The following TRIM75 variants were observed in gnomAD, a reference collection of about 807,000 sequenced individuals.
TRIM75 encodes tripartite motif containing 75.
the TRIM75 span, among the ~76,000 whole-genome samples, chr4:165,057,482 T>C: frequency 2.0e-5 from 3 of 152,220 alleles, no homozygotes; most frequent in Non-Finnish European, 4.4e-5. Context: ...AGGATTAGCA[T>C]TGTCAAATTA....
chr4:165,058,726 G>GGACC, the TRIM75 span, among the ~76,000 whole-genome samples: 36 of 151,960 alleles, frequency 2.4e-4, no homozygotes, highest in South Asian at 2.1e-4. Context: ...GTGGAGGTTA[G>GGACC]GACCACCTGA....
At chr4:165,059,583 A>G in the TRIM75 span, 8 of 780,800 alleles carry the variant, frequency 1.0e-5, no homozygotes, top group African/African-American at 1.0e-4. Flanking sequence ...AAGATTCTGC[A>G]GTTACATCCA....
At chr4:165,059,490 T>G in the TRIM75 span, 1 of 780,910 alleles carries the variant, frequency 1.3e-6, no homozygotes, top group Non-Finnish European at 2.4e-6. Flanking sequence ...CCTGATGGTG[T>G]TGTGTCCGCT....
the TRIM75 span, chr4:165,059,559 A>G: frequency 1.3e-6 from 1 of 780,922 alleles, no homozygotes; most frequent in South Asian, 1.3e-5. Context: ...GAAAGCTGCC[A>G]TTCATTATAG....
At chr4:165,060,554 AAAACCC>A in the TRIM75 span, 1 of 738,684 alleles carries the variant, frequency 1.4e-6, no homozygotes, top group South Asian at 1.5e-5. Context: ...TTTGTGAATG[AAAACCC>A]ACCTGTTAGG....
chr4:165,056,262 C>T, the TRIM75 span, among the ~76,000 whole-genome samples: 13 of 151,554 alleles, frequency 8.6e-5, no homozygotes, highest in Admixed American at 1.3e-4. Flanking sequence ...AGCAAGATCC[C>T]ATCTCTATTA....
chr4:165,058,105 G>C, the TRIM75 span, among the ~76,000 whole-genome samples: 1 of 152,104 alleles, frequency 6.6e-6, no homozygotes, highest in African/African-American at 2.4e-5. Flanking sequence ...CAACTGTAGA[G>C]AAGCAAGGAT....
At chr4:165,060,286 C>A in the TRIM75 span, 180 of 780,922 alleles carry the variant, frequency 2.3e-4, 1 homozygote, top group East Asian at 4.2e-3. Context: ...CCCTCATCAG[C>A]CCAGCAGGAA....
the TRIM75 span, chr4:165,059,458 T>C: frequency 1.3e-6 from 1 of 780,746 alleles, no homozygotes; most frequent in East Asian, 2.4e-5. Context: ...AACCAGCCCC[T>C]GAGCGTTTTC....
chr4:165,054,324 C>T, the TRIM75 span, among the ~76,000 whole-genome samples: 1 of 144,016 alleles, frequency 6.9e-6, no homozygotes, highest in Non-Finnish European at 1.5e-5. Flanking sequence ...GGCTGGAGTG[C>T]AGTGGCTATC....
the TRIM75 span, chr4:165,059,711 G>A: frequency 2.6e-6 from 2 of 780,910 alleles, no homozygotes; most frequent in Non-Finnish European, 4.8e-6. Context: ...CTGAATTTGA[G>A]CACCTCAACC....
chr4:165,059,054 T>C, the TRIM75 span: 1 of 636,554 alleles, frequency 1.6e-6, no homozygotes, highest in Non-Finnish European at 2.9e-6. Context: ...GACAGTGAGA[T>C]CTAAGAGCAT....
At chr4:165,059,797 G>A in the TRIM75 span, 1 of 780,904 alleles carries the variant, frequency 1.3e-6, no homozygotes, top group Non-Finnish European at 2.4e-6. Flanking sequence ...CAGAAACTCA[G>A]TGCAAACATA....
At chr4:165,057,141 T>C in the TRIM75 span, among the ~76,000 whole-genome samples, 1 of 152,208 alleles carries the variant, frequency 6.6e-6, no homozygotes, top group Non-Finnish European at 1.5e-5. Context: ...ACACATGTAA[T>C]ATAGTTTATT....
At chr4:165,058,683 A>G in the TRIM75 span, among the ~76,000 whole-genome samples, 1 of 152,186 alleles carries the variant, frequency 6.6e-6, no homozygotes, top group African/African-American at 2.4e-5. Context: ...GACTGGGACT[A>G]GGGGAGGATA....
At chr4:165,056,184 G>A in the TRIM75 span, among the ~76,000 whole-genome samples, 46 of 152,112 alleles carry the variant, frequency 3.0e-4, no homozygotes, top group East Asian at 1.9e-3. Flanking sequence ...TCAGCTTGGC[G>A]AGGTGGCTCA....
chr4:165,060,109 G>T, the TRIM75 span: 2 of 780,928 alleles, frequency 2.6e-6, no homozygotes, highest in East Asian at 4.8e-5. Flanking sequence ...TTTACAAAGA[G>T]AAAACAAAAG....
the TRIM75 span, among the ~76,000 whole-genome samples, chr4:165,058,957 G>A: frequency 6.6e-6 from 1 of 152,124 alleles, no homozygotes; most frequent in Non-Finnish European, 1.5e-5. Flanking sequence ...GAATTAAAGG[G>A]TCCGAAGATT....
At chr4:165,059,636 C>T in the TRIM75 span, 1 of 780,858 alleles carries the variant, frequency 1.3e-6, no homozygotes, top group Non-Finnish European at 2.4e-6. Context: ...AATTAATAAG[C>T]ACTCAAAGCA....
Sources: allele counts gnomAD v4.1 joint callset (sites outside exome capture counted in the v4.1 genomes callset), GRCh38; gene constraint gnomAD v4.1.1; transcripts MANE v1.5; gene names NCBI Gene and HGNC (gene_info 2026-07-23, HGNC 2026-07-21).